Variants in AFF3 observed in about 807,000 individuals in gnomAD.
AFF3 encodes ALF transcription elongation factor 3.
A neutral mutation model predicts 129.7 loss-of-function variants in AFF3; 32 were observed. The observed-to-expected ratio is 0.25, with a 90% CI of 0.19 to 0.33. AFF3 has a LOEUF of 0.33. AFF3 is among the 10% of genes least tolerant of loss of function. The pLI, the probability that AFF3 is intolerant of heterozygous loss-of-function variation, is 1.00. For synonymous variants in AFF3, 644 were observed against 635.4 expected, an observed-to-expected ratio of 1.01 and a Z score of -0.20; for missense variants, 1,373 against 1,592.0, an observed-to-expected ratio of 0.86 and a Z score of 2.34.
chr2:99,651,587 G>A (rs188010154), intron 12 of AFF3, among the ~76,000 whole-genome samples: 3 of 152,110 alleles, frequency 2.0e-5, no homozygotes, highest in Admixed American at 1.3e-4. Context: ...GATTACAGGT[G>A]TATGCCACCA....
intron 13 of AFF3, among the ~76,000 whole-genome samples, chr2:99,639,757 G>A (rs1442285895): frequency 1.3e-5 from 2 of 150,194 alleles, no homozygotes; most frequent in African/African-American, 4.9e-5. Flanking sequence ...GTGCAATCTC[G>A]GCTCACTGCA....
chr2:100,079,287 G>C (rs1688853274), intron 4 of AFF3, among the ~76,000 whole-genome samples: 1 of 152,142 alleles, frequency 6.6e-6, no homozygotes, highest in African/African-American at 2.4e-5. Flanking sequence ...TGAATCCACA[G>C]ATGTGGAAAC....
At chr2:100,036,666 GAT>G (rs1491211875) in intron 4 of AFF3, among the ~76,000 whole-genome samples, 5 of 151,666 alleles carry the variant, frequency 3.3e-5, no homozygotes, top group Non-Finnish European at 7.4e-5. Context: ...CTAGGAAAAA[GAT>G]ATGTGACATA....
intron 2 of AFF3, among the ~76,000 whole-genome samples, chr2:100,125,382 T>C (rs1360871714): frequency 6.6e-6 from 1 of 152,090 alleles, no homozygotes; most frequent in East Asian, 1.9e-4. Flanking sequence ...ATGTTGTCTA[T>C]GTGAAGGCAA....
At chr2:99,818,265 T>A (rs190815406) in intron 8 of AFF3, among the ~76,000 whole-genome samples, 1 of 152,246 alleles carries the variant, frequency 6.6e-6, no homozygotes, top group African/African-American at 2.4e-5. Context: ...ACACTTACAC[T>A]CCCAAGCATT....
At chr2:100,132,088 A>C (rs144596041) in intron 1 of AFF3, among the ~76,000 whole-genome samples, 46 of 152,312 alleles carry the variant, frequency 3.0e-4, no homozygotes, top group African/African-American at 1.1e-3. Context: ...CTAAACCCAC[A>C]GGTTGTACCT....
chr2:99,937,648 C>T (rs62147655), intron 7 of AFF3, among the ~76,000 whole-genome samples: 456 of 152,326 alleles, frequency 3.0e-3, no homozygotes, highest in Admixed American at 7.8e-3. Flanking sequence ...CCGCCCGCCT[C>T]GGCCTCCCAA....
At chr2:99,646,872 A>C (rs986341137) in intron 13 of AFF3, among the ~76,000 whole-genome samples, 3 of 152,266 alleles carry the variant, frequency 2.0e-5, no homozygotes, top group African/African-American at 7.2e-5. Context: ...ATTTTGAAGA[A>C]GGGTTTTAAT....
chr2:99,913,328 C>T (rs772046020), intron 7 of AFF3, among the ~76,000 whole-genome samples: 1 of 152,068 alleles, frequency 6.6e-6, no homozygotes, highest in Non-Finnish European at 1.5e-5. Context: ...ATAGTGGGAA[C>T]AAGTTTTCTT....
chr2:99,991,625 G>A (rs1034265663), intron 7 of AFF3, among the ~76,000 whole-genome samples: 3 of 152,124 alleles, frequency 2.0e-5, no homozygotes, highest in Non-Finnish European at 2.9e-5. Flanking sequence ...AAAATGGGCC[G>A]GGCGCAGGGG....
At chr2:99,689,238 T>C (rs543364203) in intron 11 of AFF3, among the ~76,000 whole-genome samples, 1 of 152,308 alleles carries the variant, frequency 6.6e-6, no homozygotes, top group Admixed American at 6.5e-5. Context: ...TTCCTAACAC[T>C]GGCTGCTTCT....
At chr2:99,947,348 C>A (rs1558999695) in intron 7 of AFF3, among the ~76,000 whole-genome samples, 1 of 152,090 alleles carries the variant, frequency 6.6e-6, no homozygotes, top group Non-Finnish European at 1.5e-5. Flanking sequence ...GAGGCTCAGG[C>A]AGGAGAATCA....
chr2:100,070,880 T>G (rs895077669), intron 4 of AFF3, among the ~76,000 whole-genome samples: 1 of 150,452 alleles, frequency 6.6e-6, no homozygotes, highest in African/African-American at 2.5e-5. Flanking sequence ...AGCCTTTTTT[T>G]GTATTGCAAA....
rs756827545 is a variant in AFF3 at position 100,105,735 on chromosome 2, G to C, written c.-144-152C>G. The C allele has an allele frequency of 5.9e-6, 8 of 1,363,156 alleles. No homozygotes were observed. The South Asian group carries it at 9.8e-5, about 17-fold the overall frequency. The allele number at this position is 1,363,156 out of a possible 1,614,324, so 84.4% of individuals were successfully genotyped here. A position where few individuals can be genotyped will look rare whatever the true frequency, so the allele number is the denominator to read the frequency against. Reference sequence around the variant, plus strand: ...GCCCTACCTCTGCTTCTCCACAGTTGGCCTAGAACCGGAAGCCCCTCCAAG... The same window carrying C: ...GCCCTACCTCTGCTTCTCCACAGTTCGCCTAGAACCGGAAGCCCCTCCAAG... On this transcript the variant is annotated intron_variant, in intron 2 of 24. Coordinates refer to ENST00000672756, the MANE Select transcript of AFF3 (RefSeq NM_001386135.1).
At chr2:99,662,501 T>G (rs1686335262) in intron 12 of AFF3, among the ~76,000 whole-genome samples, 1 of 152,212 alleles carries the variant, frequency 6.6e-6, no homozygotes, top group Non-Finnish European at 1.5e-5. Flanking sequence ...AGGGATTTCC[T>G]GGCATTGAAA....
chr2:99,919,843 A>C (rs574661818), intron 7 of AFF3, among the ~76,000 whole-genome samples: 1 of 152,232 alleles, frequency 6.6e-6, no homozygotes, highest in Admixed American at 6.5e-5. Flanking sequence ...GATTTTTAAA[A>C]AGAGAGAAAA....
At chr2:99,701,712 T>C (rs968134128) in intron 11 of AFF3, among the ~76,000 whole-genome samples, 2 of 152,208 alleles carry the variant, frequency 1.3e-5, no homozygotes, top group African/African-American at 2.4e-5. Flanking sequence ...CACGTAGCTA[T>C]ATGTAATTTT....
At chr2:99,948,717 G>A (rs979452262) in intron 7 of AFF3, among the ~76,000 whole-genome samples, 4 of 151,942 alleles carry the variant, frequency 2.6e-5, no homozygotes, top group Admixed American at 6.6e-5. Context: ...TGCATCCCCC[G>A]CTCATCCCAA....
chr2:100,069,669 T>C (rs922224400), intron 4 of AFF3, among the ~76,000 whole-genome samples: 1 of 152,212 alleles, frequency 6.6e-6, no homozygotes, highest in Non-Finnish European at 1.5e-5. Context: ...TGTCTTGTTC[T>C]TCAAGCAACA....
Sources: allele counts gnomAD v4.1 joint callset (sites outside exome capture counted in the v4.1 genomes callset), GRCh38; gene constraint gnomAD v4.1.1; transcripts MANE v1.5; gene names NCBI Gene and HGNC (gene_info 2026-07-23, HGNC 2026-07-21).